The following MICU1 variants were observed in gnomAD, a reference collection of about 807,000 sequenced individuals.
MICU1 encodes mitochondrial calcium uptake 1, also known as calcium uptake protein 1, mitochondrial.
In MICU1, 45 loss-of-function variants were observed where a neutral mutation model predicts 56.8. That is an observed-to-expected ratio of 0.79 (90% confidence interval 0.62 to 1.02). The LOEUF is 1.02. Ranked by LOEUF, MICU1 falls within the 50% of genes least tolerant of loss-of-function variation. The pLI is 0.00. For synonymous variants in MICU1, 186 were observed against 195.1 expected, an observed-to-expected ratio of 0.95 and a Z score of 0.39; for missense variants, 504 against 587.1, an observed-to-expected ratio of 0.86 and a Z score of 1.46.
intron 9 of MICU1, among the ~76,000 whole-genome samples, chr10:72,408,703 C>T (rs1863709364): frequency 6.6e-6 from 1 of 152,176 alleles, no homozygotes; most frequent in Non-Finnish European, 1.5e-5. Context: ...TGTTATACAT[C>T]TTAAGAAGTA....
chr10:72,476,303 A>G (rs952208500), intron 7 of MICU1, among the ~76,000 whole-genome samples: 5 of 150,568 alleles, frequency 3.3e-5, no homozygotes, highest in Non-Finnish European at 1.5e-5. Flanking sequence ...ATCATAGCTC[A>G]CTGCAACTTC....
At chr10:72,456,565 C>G (rs4486543) in intron 8 of MICU1, among the ~76,000 whole-genome samples, 98,544 of 152,050 alleles carry the variant, frequency 0.65, 33,104 homozygotes, top group African/African-American at 0.77. Context: ...AGCTTTTAGA[C>G]GACTAAAATC....
intron 1 of MICU1, among the ~76,000 whole-genome samples, chr10:72,606,593 T>C (rs1841698608): frequency 6.6e-6 from 1 of 151,820 alleles, no homozygotes; most frequent in African/African-American, 2.4e-5. Context: ...TGATTTATAA[T>C]AAGAAATATA....
chr10:72,499,057 T>G (rs1866944313), intron 6 of MICU1, among the ~76,000 whole-genome samples: 1 of 152,236 alleles, frequency 6.6e-6, no homozygotes, highest in African/African-American at 2.4e-5. Context: ...TCAAATAAAA[T>G]ACAAGTATGA....
chr10:72,597,043 AT>A (rs1426485930), intron 1 of MICU1, among the ~76,000 whole-genome samples: 1 of 152,182 alleles, frequency 6.6e-6, no homozygotes, highest in Non-Finnish European at 1.5e-5. Context: ...AGATGAAGGC[AT>A]ATGTGGGAAC....
intron 8 of MICU1, among the ~76,000 whole-genome samples, chr10:72,459,567 T>C (rs1394893083): frequency 6.6e-6 from 1 of 152,174 alleles, no homozygotes; most frequent in African/African-American, 2.4e-5. Flanking sequence ...CTCTGGCCCA[T>C]CTTGGCTCAT....
Position 72,406,908 on chromosome 10 carries a change from T to C in MICU1, c.1180+1021A>G, listed in dbSNP as rs544659119. 1.2e-4 allele frequency among the ~76,000 whole-genome samples: 18 copies of C among 152,304 alleles called. 1 individual carries two copies. In the South Asian group the frequency reaches 3.7e-3, roughly 32 times the overall value. Reference sequence around the variant, plus strand: ...TCCCAAAGTGTTCGGATTACAGGCATGAACCACCATGCCTGACTATATTCA... The same window carrying C: ...TCCCAAAGTGTTCGGATTACAGGCACGAACCACCATGCCTGACTATATTCA... On this transcript the variant is annotated intron_variant, in intron 10 of 11. Transcript: ENST00000361114.
chr10:72,380,321 G>C (rs1195636264), intron 10 of MICU1, among the ~76,000 whole-genome samples: 2 of 152,072 alleles, frequency 1.3e-5, no homozygotes, highest in Admixed American at 6.6e-5. Flanking sequence ...CTGAACAAAG[G>C]GTTTAAGTGC....
At chr10:72,562,670 G>A in intron 3 of MICU1, 1 of 366,802 alleles carries the variant, frequency 2.7e-6, no homozygotes, top group Non-Finnish European at 4.8e-6. Flanking sequence ...AAAGAACTAA[G>A]AAAAAATATG....
intron 2 of MICU1, among the ~76,000 whole-genome samples, chr10:72,564,919 G>A (rs1214454089): frequency 6.6e-6 from 1 of 152,062 alleles, no homozygotes; most frequent in Non-Finnish European, 1.5e-5. Context: ...CAGACTAGAG[G>A]AACCTCACTG....
intron 8 of MICU1, among the ~76,000 whole-genome samples, chr10:72,435,386 A>C (rs1047246467): frequency 2.1e-5 from 2 of 96,696 alleles, no homozygotes; most frequent in African/African-American, 1.3e-4. Flanking sequence ...ACCCTGTTAC[A>C]AAAAAAAAAA....
At chr10:72,536,442 G>A (rs1839637495) in intron 4 of MICU1, among the ~76,000 whole-genome samples, 1 of 152,056 alleles carries the variant, frequency 6.6e-6, no homozygotes, top group African/African-American at 2.4e-5. Context: ...CACCTCCTGG[G>A]TTCAAGCGAT....
At chr10:72,518,740 T>A (rs2210841) in intron 5 of MICU1, among the ~76,000 whole-genome samples, 1 of 152,168 alleles carries the variant, frequency 6.6e-6, no homozygotes, top group African/African-American at 2.4e-5. Flanking sequence ...TGAAGTGCAG[T>A]GGAATGATCT....
chr10:72,590,379 C>T (rs764796363), intron 1 of MICU1, among the ~76,000 whole-genome samples: 1 of 152,176 alleles, frequency 6.6e-6, no homozygotes, highest in Non-Finnish European at 1.5e-5. Flanking sequence ...CATTTATACA[C>T]TTAATGACAG....
chr10:72,610,510 T>C (rs1841815659), intron 1 of MICU1, among the ~76,000 whole-genome samples: 1 of 152,130 alleles, frequency 6.6e-6, no homozygotes. Flanking sequence ...TAAAGCACTC[T>C]GAACATAAGA....
At chr10:72,381,889 A>G (rs920168852) in intron 10 of MICU1, among the ~76,000 whole-genome samples, 32 of 151,770 alleles carry the variant, frequency 2.1e-4, no homozygotes, top group African/African-American at 7.7e-4. Flanking sequence ...ATCATTAGGT[A>G]GTCAATGATT....
At chr10:72,527,982 T>C (rs1018518243) in intron 5 of MICU1, among the ~76,000 whole-genome samples, 1 of 152,142 alleles carries the variant, frequency 6.6e-6, no homozygotes, top group African/African-American at 2.4e-5. Context: ...TGCACCACCA[T>C]ACCCAGCTAA....
chr10:72,476,161 A>T (rs558060809), intron 7 of MICU1, among the ~76,000 whole-genome samples: 1 of 131,760 alleles, frequency 7.6e-6, no homozygotes, highest in East Asian at 2.4e-4. Context: ...CAGGAGGTGG[A>T]GGTTGCAGTG....
intron 1 of MICU1, among the ~76,000 whole-genome samples, chr10:72,577,644 A>G (rs374011259): frequency 5.3e-4 from 80 of 152,312 alleles, no homozygotes; most frequent in Non-Finnish European, 8.4e-4. Flanking sequence ...TGAATAGCAC[A>G]CTGGAATTCT....
Sources: allele counts gnomAD v4.1 joint callset (sites outside exome capture counted in the v4.1 genomes callset), GRCh38; gene constraint gnomAD v4.1.1; transcripts MANE v1.5; gene names NCBI Gene and HGNC (gene_info 2026-07-23, HGNC 2026-07-21).